Variants in RAB36 observed in about 807,000 individuals in gnomAD.
RAB36 encodes ras-related protein Rab-36.
Under a neutral mutation model 39.3 loss-of-function variants are expected in RAB36, and 33 were observed. The observed-to-expected ratio is 0.84, with a 90% CI of 0.64 to 1.12. RAB36 has a LOEUF of 1.12. Ranked by LOEUF, RAB36 falls within the 50% of genes most tolerant of loss-of-function variation. The pLI is 0.00. For synonymous variants in RAB36, 133 were observed against 140.2 expected (o/e 0.95, Z 0.36); for missense variants, 308 against 355.3 (o/e 0.87, Z 1.07).
upstream of RAB36, chr22:23,145,448 G>C: frequency 1.2e-6 from 2 of 1,610,624 alleles, no homozygotes; most frequent in Non-Finnish European, 1.7e-6. Flanking sequence ...TCGACGATTC[G>C]TGTAGCCCGC....
At chr22:23,168,510 A>C (rs1165352821), downstream of RAB36, among the ~76,000 whole-genome samples, 1 of 152,080 alleles carries the variant, frequency 6.6e-6, no homozygotes, top group Non-Finnish European at 1.5e-5. Context: ...ACACACACAC[A>C]GACACCTGCC....
chr22:23,153,113 G>C lies in RAB36; in HGVS notation c.308G>C (p.Gly103Ala). Residue 103 changes from glycine to alanine, a missense_variant, in exon 5 of 11, where the codon GGG (glycine) becomes GCG (alanine). Physicochemically the swap from Gly to Ala is moderately conservative, Grantham distance 60 (BLOSUM62 0). Transcript: ENST00000263116. Reference protein sequence around the residue: ...DFEIERFEIAGIPYSLQIWDT... With the variant: ...DFEIERFEIAAIPYSLQIWDT... ...GAAATTGAGCGCTTTGAGATTGCTG[G>C]GATTCCCTATAGCCTCCAGATGTAA... 1 of 1,614,018 alleles carries C rather than the reference G, an allele frequency of 6.2e-7. No individual in the cohort carries two copies.
In RAB36 at chr22:23,161,610, A is replaced by G; in HGVS notation, c.*46A>G. On this transcript the variant is annotated 3_prime_UTR_variant, in exon 11 of 11. Coordinates refer to ENST00000263116, the MANE Select transcript of RAB36 (RefSeq NM_004914.5). ...CTCCGCTCCCTGCACACACACGGAC[A>G]GGAATTTCCGTGACTGTGGTGTGGA... 1 of 1,493,140 alleles carries G rather than the reference A, an allele frequency of 6.7e-7. No homozygotes were observed. The highest frequency in any genetic ancestry group is 1.2e-5 in the South Asian group (1 of 84,886). The allele number at this position is 1,493,140 out of a possible 1,614,324, so 92.5% of individuals were successfully genotyped here. A position where few individuals can be genotyped will look rare whatever the true frequency, so the allele number is the denominator to read the frequency against.
chr22:23,151,952 A>G (rs573599667), intron 3 of RAB36, among the ~76,000 whole-genome samples: 1 of 152,288 alleles, frequency 6.6e-6, no homozygotes, highest in East Asian at 1.9e-4. Context: ...CGGTGGTGTC[A>G]TGGTCAGGGA....
chr22:23,161,320 TGCCCTCTCTGTTCCAGTGCCTGGAAG>T (rs1249199870), intron 10 of RAB36, among the ~76,000 whole-genome samples, 154 bp from the exon 11 acceptor site: 1 of 152,202 alleles, frequency 6.6e-6, no homozygotes, highest in Non-Finnish European at 1.5e-5. Flanking sequence ...TCTGCACCTT[TGCCCTCTCTGTTCCAGTGCCTGGAAG>T]GCCCTCTCTT....
chr22:23,146,792 G>T, intron 2 of RAB36, 107 bp downstream of exon 2: 1 of 1,464,178 alleles, frequency 6.8e-7, no homozygotes, highest in Non-Finnish European at 9.1e-7. Flanking sequence ...AAGGAGGTCT[G>T]TCCATTGTCA....
chr22:23,160,452 G>A (rs1268010554), intron 9 of RAB36, among the ~76,000 whole-genome samples: 3 of 152,204 alleles, frequency 2.0e-5, no homozygotes, highest in African/African-American at 7.2e-5. Context: ...CTCCATGTGG[G>A]GGCTGACAGC....
At chr22:23,166,147 TAAAAAAA>T (rs695297), downstream of RAB36, among the ~76,000 whole-genome samples, 346 of 59,884 alleles carry the variant, frequency 5.8e-3, 9 homozygotes, top group African/African-American at 0.023. Flanking sequence ...CTCTGTCTTT[TAAAAAAA>T]AAAAAAAAAA....
At chr22:23,155,446 G>T (rs2071398166) in intron 5 of RAB36, among the ~76,000 whole-genome samples, 1 of 152,202 alleles carries the variant, frequency 6.6e-6, no homozygotes, top group Non-Finnish European at 1.5e-5. Flanking sequence ...GGAGCTAACT[G>T]CTGAGACCCA....
At position 23,145,509 on chromosome 22, in the gene RAB36, C is replaced by G. The variant is rs761171420; in HGVS notation, c.-55C>G. On this transcript the variant is annotated 5_prime_UTR_variant, in exon 1 of 11. Transcript: ENST00000263116. The stretch of plus-strand genomic sequence containing the variant: ...TGGTGATCGCCGCCGCTGGCTCAGG[C>G]GGACCAGGCCGCGCGGAGCCCCAGC... 6.2e-7 allele frequency: 1 copy of G among 1,605,300 alleles called. No individual in the cohort carries two copies. The highest frequency in any genetic ancestry group is 8.5e-7 in the Non-Finnish European group (1 of 1,179,526).
intron 5 of RAB36, among the ~76,000 whole-genome samples, chr22:23,154,621 C>A (rs866505104): frequency 1.6e-4 from 25 of 152,208 alleles, no homozygotes; most frequent in Non-Finnish European, 3.1e-4. Context: ...GGCCATATCT[C>A]ATTAGAGGGC....
rs1219698625 is a variant in RAB36, at chr22:23,152,524, C to T, written c.225C>T (p.His75=). The change falls in exon 4 of 11, where the codon CAC becomes CAT. Residue 75 remains histidine (H), a splice_region_variant and synonymous_variant. Transcript: ENST00000263116. ...ACGTGGGGAAGACCAGCCTCATCCA[C>T]AGGTACAAGGCTTCCTCTGCCCCTT... The part of the protein sequence containing the change: ...DLYVGKTSLI[H]RFCKNVFDRD... The T allele has an allele frequency of 3.1e-6, 5 of 1,613,982 alleles. No individual in the cohort carries two copies. The highest frequency in any genetic ancestry group is 2.2e-5 in the East Asian group (1 of 44,886).
At chr22:23,158,391 G>A (rs954211173) in intron 7 of RAB36, among the ~76,000 whole-genome samples, 2 of 152,262 alleles carry the variant, frequency 1.3e-5, no homozygotes, top group Non-Finnish European at 2.9e-5. Flanking sequence ...TGTGGGCCCT[G>A]AAAACTGTAT....
downstream of RAB36, among the ~76,000 whole-genome samples, chr22:23,166,421 A>G (rs1034665926): frequency 4.6e-5 from 7 of 151,922 alleles, no homozygotes; most frequent in African/African-American, 1.5e-4. Flanking sequence ...CTGTGTCCCA[A>G]TGTCTGCTCC....
chr22:23,154,743 CCA>C (rs1447044677), intron 5 of RAB36, among the ~76,000 whole-genome samples: 1 of 152,168 alleles, frequency 6.6e-6, no homozygotes, highest in Non-Finnish European at 1.5e-5. Flanking sequence ...AGCTCCTCCC[CCA>C]GAGTCTTCAG....
At chr22:23,150,788 A>G (rs1275995406) in intron 3 of RAB36, among the ~76,000 whole-genome samples, 2 of 152,024 alleles carry the variant, frequency 1.3e-5, no homozygotes, top group East Asian at 3.9e-4. Flanking sequence ...CAGCGTGTCA[A>G]GTCCTCTGGG....
chr22:23,160,650 G>A (rs1361927520), intron 9 of RAB36, among the ~76,000 whole-genome samples: 2 of 152,146 alleles, frequency 1.3e-5, no homozygotes, highest in Non-Finnish European at 2.9e-5. Context: ...GTGGGAGTTG[G>A]GAGGCTGGAG....
rs2071914130 is a variant in RAB36 at position 23,163,309 on chromosome 22, A to C, written c.*1745A>C. The C allele has an allele frequency of 6.5e-6, 1 of 153,404 alleles. No homozygotes were observed. Among genetic ancestry groups the C allele is most frequent in the Non-Finnish European group, 1.4e-5 (1 of 69,084 alleles). The allele number at this position is 153,404 out of a possible 1,614,324, so 9.5% of individuals were successfully genotyped here. On this transcript the variant is annotated 3_prime_UTR_variant, in exon 11 of 11. Transcript: ENST00000263116. ...CAATGGCACGATCTTGGCTCACTGC[A>C]AGCTTCCCCTTCCGGGTTCATGCCA...
At position 23,161,870 on chromosome 22, in the gene RAB36, T is replaced by C. The variant is rs1287580630; in HGVS notation, c.*306T>C. 4 of 387,416 alleles carry C rather than the reference T, an allele frequency of 1.0e-5. No homozygotes were observed. The highest frequency in any genetic ancestry group is 1.9e-5 in the Non-Finnish European group (4 of 209,972). The allele number at this position is 387,416 out of a possible 1,614,324, so 24.0% of individuals were successfully genotyped here. A position where few individuals can be genotyped will look rare whatever the true frequency, so the allele number is the denominator to read the frequency against. ...TGCAGGGTCATCAGACAGTCACCTT[T>C]GGCCTCAAGAGGCCTCAGAACTGCA... On this transcript the variant is annotated 3_prime_UTR_variant, in exon 11 of 11. Coordinates refer to ENST00000263116, the MANE Select transcript of RAB36 (RefSeq NM_004914.5).
Sources: gnomAD v4.1 joint callset for allele counts (sites outside exome capture counted in the v4.1 genomes callset) on GRCh38, gnomAD v4.1.1 for gene constraint, MANE v1.5 for transcripts, NCBI Gene and HGNC (gene_info 2026-07-23, HGNC 2026-07-21) for gene names.